The following PPFIA3 variants were observed in gnomAD, a reference collection of about 807,000 sequenced individuals.
PPFIA3 encodes liprin-alpha-3.
A neutral mutation model predicts 145.8 loss-of-function variants in PPFIA3; 26 were observed. The observed-to-expected ratio is 0.18, with a 90% CI of 0.13 to 0.25. The LOEUF (loss-of-function observed/expected upper bound fraction) is 0.25. Among genes scored for constraint, PPFIA3 ranks in the 10% least tolerant of loss-of-function variants. PPFIA3 has a pLI of 1.00. For missense variants in PPFIA3, 1,008 were observed against 1,587.8 expected (o/e 0.63, Z 6.21); for synonymous variants, 645 against 661.4 (o/e 0.98, Z 0.38).
intron 7 of PPFIA3, among the ~76,000 whole-genome samples, chr19:49,132,217 C>T (rs1009531029): frequency 2.0e-5 from 3 of 151,110 alleles, no homozygotes; most frequent in Non-Finnish European, 2.9e-5. Flanking sequence ...GTGAAACCCC[C>T]GTCTCTACTG....
chr19:49,135,013 T>C lies in PPFIA3; in HGVS notation c.1520+98T>C, dbSNP rs2041120841. On this transcript the variant is annotated intron_variant, in intron 13 of 29. Transcript: ENST00000334186. ...TCCCCACTTCCTGTCCTCCTGAGAC[T>C]TCTGACCCCTCTGTTTTTGTTTTTT... The C allele has an allele frequency of 5.7e-5, 58 of 1,020,790 alleles. No homozygotes were observed. The South Asian group carries it at 9.9e-4, about 17-fold the overall frequency. 63.2% of individuals were successfully genotyped at this position (1,020,790 alleles called of 1,614,324 possible).
intron 21 of PPFIA3, among the ~76,000 whole-genome samples, chr19:49,143,904 C>T (rs775745549): frequency 3.9e-5 from 6 of 152,080 alleles, no homozygotes; most frequent in Non-Finnish European, 8.8e-5. Flanking sequence ...AATGAAATAT[C>T]TTGGGGATGG....
intron 25 of PPFIA3, 99 bp downstream of exon 25, chr19:49,148,862 A>T (rs1185562215): frequency 1.4e-6 from 2 of 1,468,564 alleles, no homozygotes; most frequent in South Asian, 1.2e-5. Flanking sequence ...GCAAATTGGC[A>T]CCATAACCGT....
At chr19:49,142,173 T>C in intron 20 of PPFIA3, 58 bp downstream of exon 20, 1 of 1,436,964 alleles carries the variant, frequency 7.0e-7, no homozygotes, top group South Asian at 1.2e-5. Flanking sequence ...ACAGCCCCAC[T>C]GGTAGGGGCT....
chr19:49,143,131 CCCTCAG>C (rs1284456974), intron 21 of PPFIA3, 127 bp downstream of exon 21: 1 of 1,077,082 alleles, frequency 9.3e-7, no homozygotes, highest in Non-Finnish European at 1.3e-6. Flanking sequence ...GCTTTTACCC[CCCTCAG>C]CCTCCCCTCC....
chr19:49,121,083 C>T (rs1028850694), intron 1 of PPFIA3, among the ~76,000 whole-genome samples: 3 of 152,176 alleles, frequency 2.0e-5, no homozygotes, highest in African/African-American at 4.8e-5. Flanking sequence ...TCATGTCACC[C>T]CAGGTGGCGG....
chr19:49,140,904 T>C (rs2041214504), intron 18 of PPFIA3, among the ~76,000 whole-genome samples: 1 of 152,084 alleles, frequency 6.6e-6, no homozygotes, highest in Non-Finnish European at 1.5e-5. Flanking sequence ...TCTGCCTGCC[T>C]CAGCCTCCCA....
In PPFIA3 at chr19:49,133,412, G is replaced by T; in HGVS notation, c.1161+41G>T. ...GGGTCGGGGCCTTGCGTGGGGAAGG[G>T]GTGGGGCCTAGAGGAGGCGGGGCCG... On this transcript the variant is annotated intron_variant, in intron 9 of 29. Coordinates refer to ENST00000334186, the MANE Select transcript of PPFIA3 (RefSeq NM_003660.4). The surrounding 1 kb of genome is among the most constrained non-coding windows in gnomAD (Gnocchi z 7.2). 6.4e-7 allele frequency: 1 copy of T among 1,554,042 alleles called. No homozygotes were observed.
At chr19:49,134,956 C>T (rs751848980) in intron 13 of PPFIA3, 41 bp downstream of exon 13, 10 of 1,500,264 alleles carry the variant, frequency 6.7e-6, no homozygotes, top group South Asian at 5.4e-5. Context: ...CATGGAGCCC[C>T]GTTGGCCAAG....
At position 49,149,601 on chromosome 19, in the gene PPFIA3, A is replaced by T. The variant is rs2041321351; in HGVS notation, c.3409A>T (p.Lys1137Ter). 1 of 1,614,018 alleles carries T rather than the reference A, an allele frequency of 6.2e-7. No individual in the cohort carries two copies. The highest frequency in any genetic ancestry group is 1.3e-5 in the African/African-American group (1 of 74,910). ...SPSWRKMFRE[K>*]DLRGVTPDSA... ...ATCCTGGCGGAAGATGTTCCGGGAG[A>T]AGGACCTCCGAGGCGTAACTCCCGA... Residue 1137 changes from lysine (K) to a stop codon, truncating the protein, a stop_gained, in exon 28 of 30, where the codon AAG (lysine) becomes TAG (stop). Transcript: ENST00000334186. LOFTEE classifies it high-confidence loss of function. The surrounding 1 kb of genome is among the most constrained non-coding windows in gnomAD (Gnocchi z 5.7).
In PPFIA3 at chr19:49,137,045, T is replaced by C. The variant is rs2041147118; in HGVS notation, c.1853+134T>C. On this transcript the variant is annotated intron_variant, in intron 15 of 29. Transcript: ENST00000334186. ...ACAAGGAATTCTTCCAGCCCAACAC[T>C]CACTCCGCTGTCCAGGCATCCCCTA... The C allele has an allele frequency of 7.3e-6, 6 of 824,930 alleles. No individual in the cohort carries two copies. In the South Asian group the frequency reaches 1.1e-4, roughly 16 times the overall value. The allele number at this position is 824,930 out of a possible 1,614,324, so 51.1% of individuals were successfully genotyped here. A position where few individuals can be genotyped will look rare whatever the true frequency, so the allele number is the denominator to read the frequency against.
chr19:49,128,865 G>A lies in PPFIA3; in HGVS notation c.360G>A (p.Leu120=). 6.2e-7 allele frequency: 1 copy of A among 1,603,040 alleles called. No homozygotes were observed. Among genetic ancestry groups the A allele is most frequent in the Non-Finnish European group, 8.5e-7 (1 of 1,174,200 alleles). ...GCTTGCAGCTGCTCCTGGAACACCT[G>A]GAGTGCCTGGTGTCCAGGCACGAGA... The part of the protein sequence containing the change: ...RNNTRLLLEH[L]ECLVSRHERS... The change falls in exon 4 of 30, where the codon CTG becomes CTA. Residue 120 remains leucine, a synonymous_variant. Coordinates refer to ENST00000334186, the MANE Select transcript of PPFIA3 (RefSeq NM_003660.4). This position sits in a 1 kb window ranked among gnomAD's most constrained non-coding sequence, Gnocchi z 4.1.
Position 49,135,871 on chromosome 19 carries a change from G to T in PPFIA3, c.1613G>T (p.Gly538Val), listed in dbSNP as rs1247395903. Residue 538 changes from glycine to valine, a missense_variant, in exon 14 of 30, where the codon GGT (glycine) becomes GTT (valine). Gly to Val is a moderately radical substitution (Grantham distance 109). Coordinates refer to ENST00000334186, the MANE Select transcript of PPFIA3 (RefSeq NM_003660.4). Reference protein sequence around the residue: ...AHLDPYVAGSGRAGKRGRWSG... With the variant: ...AHLDPYVAGSVRAGKRGRWSG... The stretch of plus-strand genomic sequence containing the variant: ...CTGGATCCCTATGTGGCTGGCAGTG[G>T]TCGGGCAGGCAAGAGGGGCCGCTGG... The T allele has an allele frequency of 1.2e-6, 2 of 1,613,786 alleles. No individual in the cohort carries two copies. Among genetic ancestry groups the T allele is most frequent in the Admixed American group, 3.3e-5 (2 of 59,994 alleles).
At chr19:49,138,714 A>G (rs974646223) in intron 16 of PPFIA3, among the ~76,000 whole-genome samples, 1 of 152,222 alleles carries the variant, frequency 6.6e-6, no homozygotes, top group African/African-American at 2.4e-5. Context: ...TCACGCCTGT[A>G]ATCCCAGCAC....
chr19:49,145,901 G>A, intron 21 of PPFIA3, 42 bp from the exon 22 acceptor site: 1 of 1,583,578 alleles, frequency 6.3e-7, no homozygotes, highest in Non-Finnish European at 8.7e-7. Context: ...TCCCCCACGC[G>A]AAGCCCTCTC....
In PPFIA3 at chr19:49,128,285, C is replaced by CT. The variant is rs1184850381; in HGVS notation, c.241-80dup. ...CGGGACTTAGCAGGGAGGGCGGGAC[C>CT]TTCAAACTTCCAGTCCCAGTGAATG... On this transcript the variant is annotated intron_variant, in intron 2 of 29. Coordinates refer to ENST00000334186, the MANE Select transcript of PPFIA3 (RefSeq NM_003660.4). This position sits in a 1 kb window ranked among gnomAD's most constrained non-coding sequence, Gnocchi z 4.1. 1.9e-5 allele frequency: 30 copies of CT among 1,550,678 alleles called. No individual in the cohort carries two copies. Among genetic ancestry groups the CT allele is most frequent in the Non-Finnish European group, 2.7e-5 (30 of 1,124,402 alleles).
At chr19:49,129,317 A>C (rs1330093982) in intron 4 of PPFIA3, 63 bp from the exon 5 acceptor site, 6 of 1,511,366 alleles carry the variant, frequency 4.0e-6, no homozygotes, top group Non-Finnish European at 5.4e-6. Flanking sequence ...GTTCTGGACC[A>C]GGGGCAACTG....
chr19:49,138,462 G>A lies in PPFIA3; in HGVS notation c.2076+35G>A. 5 of 1,465,164 alleles carry A rather than the reference G, an allele frequency of 3.4e-6. No individual in the cohort carries two copies. The South Asian group carries it at 7.2e-5, about 21-fold the overall frequency. The allele number at this position is 1,465,164 out of a possible 1,614,324, so 90.8% of individuals were successfully genotyped here. The stretch of plus-strand genomic sequence containing the variant: ...CTGAAGTCTCCCCAGCCTAGTAGGG[G>A]GATGGGGAGAGGTCAGAGGCAGGGC... On this transcript the variant is annotated intron_variant, in intron 16 of 29. Coordinates refer to ENST00000334186, the MANE Select transcript of PPFIA3 (RefSeq NM_003660.4).
At chr19:49,129,132 A>T in intron 4 of PPFIA3, 120 bp downstream of exon 4, 1 of 1,158,742 alleles carries the variant, frequency 8.6e-7, no homozygotes, top group Non-Finnish European at 1.2e-6. Context: ...AAGAATGTTG[A>T]CTGTGATTGA....
Sources: gnomAD v4.1 joint callset for allele counts (sites outside exome capture counted in the v4.1 genomes callset) on GRCh38, gnomAD v4.1.1 for gene constraint, Gnocchi (gnomAD v3.1) non-coding constraint, MANE v1.5 for transcripts, NCBI Gene and HGNC (gene_info 2026-07-23, HGNC 2026-07-21) for gene names.